ATP8B2: variants seen among roughly 807,000 people sequenced by gnomAD.
The protein encoded by ATP8B2 is ATPase phospholipid transporting 8B2, also known as phospholipid-transporting ATPase ID.
In ATP8B2, 70 loss-of-function variants were observed where a neutral mutation model predicts 133.4. The observed-to-expected ratio is 0.52, with a 90% CI of 0.43 to 0.64. The LOEUF (loss-of-function observed/expected upper bound fraction) is 0.64, where lower values mean the gene tolerates loss of function less well. Among genes scored for constraint, ATP8B2 ranks in the 30% least tolerant of loss-of-function variants. The pLI is 0.00. For synonymous variants in ATP8B2, 517 were observed against 589.5 expected, an observed-to-expected ratio of 0.88 and a Z score of 1.78; for missense variants, 1,101 against 1,535.7, an observed-to-expected ratio of 0.72 and a Z score of 4.73.
At chr1:154,329,253 C>A (rs1685900683) in intron 2 of ATP8B2, among the ~76,000 whole-genome samples, 1 of 152,146 alleles carries the variant, frequency 6.6e-6, no homozygotes, top group Non-Finnish European at 1.5e-5. Context: ...TTGGTGATTG[C>A]GCAGGGGACT....
rs1411583261 is a variant in ATP8B2 at position 154,328,655 on chromosome 1, A to G, written c.31+483A>G. On this transcript the variant is annotated intron_variant, in intron 2 of 27. Transcript: ENST00000368489. The surrounding 1 kb of genome is among the most constrained non-coding windows in gnomAD (Gnocchi z 4.6). ...GGGGCTCGCGCGCGAGCTTTCGCCT[A>G]CGCGGCGCGCTGGCAGGCTGCGGCT... The G allele has an allele frequency of 3.6e-6, 2 of 558,848 alleles. No individual in the cohort carries two copies. Among genetic ancestry groups the G allele is most frequent in the South Asian group, 7.4e-5 (1 of 13,488 alleles). The allele number at this position is 558,848 out of a possible 1,614,324, so 34.6% of individuals were successfully genotyped here.
Position 154,349,147 on chromosome 1 carries a change from G to A in ATP8B2, c.*29G>A, listed in dbSNP as rs41310887. ...CCGAGGATGGATGCCCTGTGCCAGTGACCAGAGCACCCAGGGCTGGCCAGT... is the reference window on the plus strand; with the variant it reads ...CCGAGGATGGATGCCCTGTGCCAGTAACCAGAGCACCCAGGGCTGGCCAGT... On this transcript the variant is annotated 3_prime_UTR_variant, in exon 28 of 28. Coordinates refer to ENST00000368489, the MANE Select transcript of ATP8B2 (RefSeq NM_001370597.1). The A allele has an allele frequency of 0.044, 70,087 of 1,603,650 alleles. 1,901 individuals carry two copies. Among genetic ancestry groups the A allele is most frequent in the Non-Finnish European group, 0.05 (59,032 of 1,173,030 alleles).
chr1:154,330,522 C>T (rs1685947829), intron 3 of ATP8B2, 68 bp downstream of exon 3: 1 of 1,535,428 alleles, frequency 6.5e-7, no homozygotes, highest in South Asian at 1.1e-5. Flanking sequence ...GGACAACCTA[C>T]CGTTGGGACT....
rs1686528085 is a variant in ATP8B2, at chr1:154,344,872, G to T, written c.2286+87G>T. The stretch of plus-strand genomic sequence containing the variant: ...TTTATATCTTGTTCTAATTTCCCCT[G>T]ATTTCAGAGAAGACTGGTCTCAAAG... On this transcript the variant is annotated intron_variant, in intron 21 of 27. Transcript: ENST00000368489. The surrounding 1 kb of genome is among the most constrained non-coding windows in gnomAD (Gnocchi z 4.1). 2 of 1,543,172 alleles carry T rather than the reference G, an allele frequency of 1.3e-6. No individual in the cohort carries two copies.
rs1246490191 is a variant in ATP8B2 at position 154,344,947 on chromosome 1, C to T, written c.2287-24C>T. On this transcript the variant is annotated intron_variant, in intron 21 of 27. Transcript: ENST00000368489. The surrounding 1 kb of genome is among the most constrained non-coding windows in gnomAD (Gnocchi z 4.1). ...CAGGTGTCTCCTGGAAAGACTGGCTCTCTCAGGTTTCTCTGTGCTCCAGGC... is the reference window on the plus strand; with the variant it reads ...CAGGTGTCTCCTGGAAAGACTGGCTTTCTCAGGTTTCTCTGTGCTCCAGGC... 1 of 1,597,290 alleles carries T rather than the reference C, an allele frequency of 6.3e-7. No homozygotes were observed. Among genetic ancestry groups the T allele is most frequent in the Non-Finnish European group, 8.5e-7 (1 of 1,170,390 alleles).
intron 1 of ATP8B2, among the ~76,000 whole-genome samples, chr1:154,326,719 A>G (rs529274093): frequency 1.3e-5 from 2 of 152,274 alleles, no homozygotes; most frequent in East Asian, 1.9e-4. Flanking sequence ...CAGCTCCTAC[A>G]TTAACTCTTT....
intron 2 of ATP8B2, 54 bp from the exon 3 acceptor site, chr1:154,330,342 T>C (rs1570847552): frequency 6.6e-7 from 1 of 1,523,926 alleles, no homozygotes; most frequent in East Asian, 2.3e-5. Flanking sequence ...CCCAGCAAAG[T>C]GTTGGTCCAG....
At chr1:154,330,969 G>A in intron 4 of ATP8B2, 41 bp downstream of exon 4, 1 of 1,602,130 alleles carries the variant, frequency 6.2e-7, no homozygotes. Context: ...TCCCCAAACT[G>A]AATAAAGCCA....
rs1268652983 is a variant in ATP8B2, at chr1:154,334,579, C to G, written c.825C>G (p.Thr275=). ...KRTSIDRLMN[T]LVLWIFGFLV... ...CGAGTATCGATCGCCTAATGAATAC[C>G]CTGGTGCTCTGGGTGAGGCGCCCCA... Residue 275 remains threonine (T), a synonymous_variant, in exon 11 of 28, where the codon ACC becomes ACG. Coordinates refer to ENST00000368489, the MANE Select transcript of ATP8B2 (RefSeq NM_001370597.1). The surrounding 1 kb of genome is among the most constrained non-coding windows in gnomAD (Gnocchi z 4.6). 6.2e-7 allele frequency: 1 copy of G among 1,613,832 alleles called. No individual in the cohort carries two copies. The highest frequency in any genetic ancestry group is 8.5e-7 in the Non-Finnish European group (1 of 1,179,934).
In ATP8B2 at chr1:154,344,296, G is replaced by T; in HGVS notation, c.2035+42G>T. On this transcript the variant is annotated intron_variant, in intron 19 of 27. Coordinates refer to ENST00000368489, the MANE Select transcript of ATP8B2 (RefSeq NM_001370597.1). The surrounding 1 kb of genome is among the most constrained non-coding windows in gnomAD (Gnocchi z 4.1). ...GCAGAGCCAGTTGCAACTGACAGTA[G>T]CCCTGTTGGACCCTTGCATGGAGCC... 1 of 1,614,186 alleles carries T rather than the reference G, an allele frequency of 6.2e-7. No homozygotes were observed.
rs1225773672 is a variant in ATP8B2, at chr1:154,328,253, A to G, written c.31+81A>G. The G allele has an allele frequency of 5.5e-6, 8 of 1,442,318 alleles. No homozygotes were observed. The Admixed American group carries it at 1.2e-4, about 21-fold the overall frequency. The allele number at this position is 1,442,318 out of a possible 1,614,324, so 89.3% of individuals were successfully genotyped here. ...GGCTCAGGGAGCAAAAGGAAAAGGGACAACTGGTATGGGTCTGAGGGAGGG... is the reference window on the plus strand; with the variant it reads ...GGCTCAGGGAGCAAAAGGAAAAGGGGCAACTGGTATGGGTCTGAGGGAGGG... On this transcript the variant is annotated intron_variant, in intron 2 of 27. Coordinates refer to ENST00000368489, the MANE Select transcript of ATP8B2 (RefSeq NM_001370597.1). This position sits in a 1 kb window ranked among gnomAD's most constrained non-coding sequence, Gnocchi z 4.6.
In ATP8B2 at chr1:154,340,651, C is replaced by T. The variant is rs1428638766; in HGVS notation, c.1035-203C>T. On this transcript the variant is annotated intron_variant, in intron 12 of 27. Coordinates refer to ENST00000368489, the MANE Select transcript of ATP8B2 (RefSeq NM_001370597.1). The surrounding 1 kb of genome is among the most constrained non-coding windows in gnomAD (Gnocchi z 4.0). ...CTTGTCTGGAGAGCATCAGGAGGGT[C>T]GGGTCGGGGCGTTCCTCTGCTGGCT... The T allele has an allele frequency of 2.0e-5, 12 of 600,876 alleles. No homozygotes were observed. In the Admixed American group the frequency reaches 3.3e-4, roughly 16 times the overall value. 37.2% of individuals were successfully genotyped at this position (600,876 alleles called of 1,614,324 possible). A position where few individuals can be genotyped will look rare whatever the true frequency, so the allele number is the denominator to read the frequency against.
In ATP8B2 at chr1:154,345,117, C is replaced by T. The variant is rs1686537459; in HGVS notation, c.2433C>T (p.Ala811=). Residue 811 remains alanine, a synonymous_variant, in exon 22 of 28, where the codon GCC becomes GCT. Transcript: ENST00000368489. This position sits in a 1 kb window ranked among gnomAD's most constrained non-coding sequence, Gnocchi z 5.6. ...AGTACAAGAAGGCTGTGACGCTTGC[C>T]ATTGGAGACGGAGCCAATGATGTCA... ...VKKYKKAVTL[A]IGDGANDVSM... 1.1e-5 allele frequency: 18 copies of T among 1,614,136 alleles called. No homozygotes were observed. Among genetic ancestry groups the T allele is most frequent in the Non-Finnish European group, 1.4e-5 (17 of 1,180,000 alleles).
chr1:154,337,579 G>T, intron 12 of ATP8B2, 35 bp downstream of exon 12: 1 of 1,614,152 alleles, frequency 6.2e-7, no homozygotes, highest in Non-Finnish European at 8.5e-7. Flanking sequence ...TCTCTCCAGG[G>T]AGTCAGGCGG....
chr1:154,343,328 C>T lies in ATP8B2; in HGVS notation c.1642+27C>T, dbSNP rs369522137. On this transcript the variant is annotated intron_variant, in intron 16 of 27. Transcript: ENST00000368489. This position sits in a 1 kb window ranked among gnomAD's most constrained non-coding sequence, Gnocchi z 5.8. ...TGAGGCCAGGCCTGGGGTGCTGGGG[C>T]GTTTGGGGACAGCATTCAGGCCTGG... The T allele has an allele frequency of 1.2e-5, 20 of 1,611,262 alleles. No individual in the cohort carries two copies. In the East Asian group the frequency reaches 1.6e-4, roughly 13 times the overall value.
intron 2 of ATP8B2, 30 bp from the exon 3 acceptor site, chr1:154,330,366 C>T (rs926108295): frequency 1.9e-6 from 3 of 1,611,136 alleles, no homozygotes; most frequent in Middle Eastern, 1.7e-4. Flanking sequence ...TCAGTTTGCT[C>T]CTCCTGACTG....
intron 26 of ATP8B2, among the ~76,000 whole-genome samples, chr1:154,347,194 C>T (rs1397453729): frequency 6.6e-6 from 1 of 152,054 alleles, no homozygotes; most frequent in East Asian, 1.9e-4. Flanking sequence ...CCAGCTAGCA[C>T]AGAGAAATCT....
intron 14 of ATP8B2, 82 bp downstream of exon 14, chr1:154,342,605 G>T: frequency 1.3e-6 from 2 of 1,503,088 alleles, no homozygotes; most frequent in Non-Finnish European, 1.9e-6. Flanking sequence ...GTGATGTGTT[G>T]TCTGGATAGG....
At chr1:154,341,349 G>T in intron 13 of ATP8B2, 1 of 450,696 alleles carries the variant, frequency 2.2e-6, no homozygotes, top group Non-Finnish European at 4.1e-6. Context: ...GCCAGGTATG[G>T]TGGCATGCAC....
Sources: gnomAD v4.1 joint callset for allele counts (sites outside exome capture counted in the v4.1 genomes callset) on GRCh38, gnomAD v4.1.1 for gene constraint, Gnocchi (gnomAD v3.1) non-coding constraint, MANE v1.5 for transcripts, NCBI Gene and HGNC (gene_info 2026-07-23, HGNC 2026-07-21) for gene names.